CREB5: variants seen among roughly 807,000 people sequenced by gnomAD.
The protein encoded by CREB5 is cAMP responsive element binding protein 5.
In CREB5, 19 loss-of-function variants were observed where a neutral mutation model predicts 57.1. That is an observed-to-expected ratio of 0.33 (90% CI 0.23 to 0.49). The LOEUF (loss-of-function observed/expected upper bound fraction) is 0.49, where lower values mean the gene tolerates loss of function less well. Among genes scored for constraint, CREB5 ranks in the 20% least tolerant of loss-of-function variants. CREB5 has a pLI of 0.99. For missense variants in CREB5, 579 were observed against 671.6 expected, an observed-to-expected ratio of 0.86 and a Z score of 1.52; for synonymous variants, 238 against 238.3, an observed-to-expected ratio of 1.00 and a Z score of 0.01.
chr7:28,381,002 A>T (rs1187905074), intron 1 of CREB5, among the ~76,000 whole-genome samples: 4 of 152,152 alleles, frequency 2.6e-5, no homozygotes, highest in Non-Finnish European at 5.9e-5. Flanking sequence ...GATTAGTATA[A>T]AACTAGGGGG....
At chr7:28,571,029 A>G (rs1795679788) in intron 5 of CREB5, among the ~76,000 whole-genome samples, 1 of 152,078 alleles carries the variant, frequency 6.6e-6, no homozygotes, top group Non-Finnish European at 1.5e-5. Context: ...GAAAGTGCAG[A>G]TAGTACCAAA....
chr7:28,379,856 T>C (rs917962229), intron 1 of CREB5, among the ~76,000 whole-genome samples: 1 of 152,156 alleles, frequency 6.6e-6, no homozygotes, highest in Non-Finnish European at 1.5e-5. Context: ...TCAGATCTAT[T>C]GAGTTAGAAA....
At chr7:28,812,208 T>C (rs572701181) in intron 9 of CREB5, among the ~76,000 whole-genome samples, 2 of 152,306 alleles carry the variant, frequency 1.3e-5, no homozygotes, top group South Asian at 2.1e-4. Context: ...CTGGCACATA[T>C]CAGCTGCCAA....
intron 5 of CREB5, among the ~76,000 whole-genome samples, chr7:28,627,181 G>A (rs1798028811): frequency 6.6e-6 from 1 of 152,184 alleles, no homozygotes; most frequent in Admixed American, 6.5e-5. Context: ...TGGCTGCTGG[G>A]CATCTGTTCC....
At chr7:28,463,305 C>T (rs896386221) in intron 1 of CREB5, among the ~76,000 whole-genome samples, 1 of 152,138 alleles carries the variant, frequency 6.6e-6, no homozygotes, top group Non-Finnish European at 1.5e-5. Context: ...ATCCTTATGC[C>T]AGTACCGCAC....
chr7:28,446,708 C>A (rs572927512), intron 1 of CREB5, among the ~76,000 whole-genome samples: 2 of 152,116 alleles, frequency 1.3e-5, no homozygotes, highest in Non-Finnish European at 2.9e-5. Flanking sequence ...AGGAGACTGG[C>A]GTGAACCCGG....
At chr7:28,329,289 T>A (rs1263604746) in intron 1 of CREB5, among the ~76,000 whole-genome samples, 1 of 152,202 alleles carries the variant, frequency 6.6e-6, no homozygotes. Flanking sequence ...GCTTCATCAC[T>A]ACAGAAGTGG....
chr7:28,565,373 G>A (rs184437822), intron 4 of CREB5, among the ~76,000 whole-genome samples: 374 of 152,230 alleles, frequency 2.5e-3, no homozygotes, highest in Non-Finnish European at 4.3e-3. Context: ...AAATTTGTTC[G>A]GACAGAAGGT....
Position 28,689,357 on chromosome 7 carries a change from A to G in CREB5, c.465-29396A>G, listed in dbSNP as rs192582504. ...ATGGCGGACACCTGTAGCCCCAGCT[A>G]CTCAGGAGGCTGAGGCAGGAGAATG... is the stretch of plus-strand genomic sequence containing the variant. On this transcript the variant is annotated intron_variant, in intron 5 of 10. Transcript: ENST00000357727. Among the ~76,000 whole-genome samples the G allele has an allele frequency of 3.3e-5, 5 of 152,154 alleles. No homozygotes were observed. The East Asian group carries it at 9.7e-4, about 29-fold the overall frequency.
At chr7:28,794,352 A>G (rs1807903578) in intron 7 of CREB5, among the ~76,000 whole-genome samples, 1 of 152,226 alleles carries the variant, frequency 6.6e-6, no homozygotes, top group South Asian at 2.1e-4. Flanking sequence ...CTTTCTATAA[A>G]GAAAATTATA....
intron 5 of CREB5, among the ~76,000 whole-genome samples, chr7:28,631,057 A>G (rs185976016): frequency 1.6e-3 from 241 of 152,336 alleles, no homozygotes; most frequent in African/African-American, 5.5e-3. Flanking sequence ...CACATGGCTC[A>G]ACCACTACAG....
At chr7:28,417,076 G>A (rs1788058330) in intron 1 of CREB5, among the ~76,000 whole-genome samples, 1 of 152,170 alleles carries the variant, frequency 6.6e-6, no homozygotes, top group Non-Finnish European at 1.5e-5. Context: ...TTCCCAGAGA[G>A]CTGCCTTGAG....
At chr7:28,397,375 G>A (rs1787359054) in intron 1 of CREB5, among the ~76,000 whole-genome samples, 1 of 152,106 alleles carries the variant, frequency 6.6e-6, no homozygotes, top group Non-Finnish European at 1.5e-5. Flanking sequence ...AGGGTGGGTC[G>A]GACATGAAAA....
At chr7:28,394,154 C>G (rs1486782661) in intron 1 of CREB5, among the ~76,000 whole-genome samples, 1 of 143,264 alleles carries the variant, frequency 7.0e-6, no homozygotes, top group African/African-American at 2.6e-5. Context: ...CTAGGGTGAC[C>G]ACCACATTTT....
intron 4 of CREB5, among the ~76,000 whole-genome samples, chr7:28,549,835 G>A (rs1014337174): frequency 2.6e-5 from 4 of 152,280 alleles, no homozygotes; most frequent in African/African-American, 7.2e-5. Context: ...GCTGCAAAGC[G>A]TGTCATTGCT....
chr7:28,392,132 G>A (rs549442867), intron 1 of CREB5, among the ~76,000 whole-genome samples: 7 of 152,280 alleles, frequency 4.6e-5, no homozygotes, highest in South Asian at 2.1e-4. Flanking sequence ...GAGGGTGGAC[G>A]GAGGGAGGAA....
At chr7:28,625,586 C>A (rs1223087142) in intron 5 of CREB5, among the ~76,000 whole-genome samples, 1 of 152,332 alleles carries the variant, frequency 6.6e-6, no homozygotes, top group East Asian at 1.9e-4. Context: ...GGTCACTGGT[C>A]ATGCATTTCT....
intron 7 of CREB5, among the ~76,000 whole-genome samples, chr7:28,736,051 G>A (rs935139450): frequency 6.6e-6 from 1 of 151,986 alleles, no homozygotes; most frequent in African/African-American, 2.4e-5. Flanking sequence ...CTCACATCTG[G>A]GCCTCCCAAA....
intron 5 of CREB5, among the ~76,000 whole-genome samples, chr7:28,619,641 G>A (rs548839738): frequency 1.3e-5 from 2 of 152,186 alleles, no homozygotes; most frequent in African/African-American, 4.8e-5. Context: ...GACCAGCTTG[G>A]GCAACATAGC....
Sources: gnomAD v4.1 joint callset for allele counts (sites outside exome capture counted in the v4.1 genomes callset) on GRCh38, gnomAD v4.1.1 for gene constraint, MANE v1.5 for transcripts, NCBI Gene and HGNC (gene_info 2026-07-23, HGNC 2026-07-21) for gene names.